Variants in CALD1 observed in about 807,000 individuals in gnomAD.
CALD1 encodes caldesmon 1.
CALD1 carries 33 observed loss-of-function variants against 99.9 expected under a neutral mutation model. That is an observed-to-expected ratio of 0.33 (90% CI 0.25 to 0.44). The LOEUF (loss-of-function observed/expected upper bound fraction) is 0.44, where lower values mean the gene tolerates loss of function less well. Among genes scored for constraint, CALD1 ranks in the 20% least tolerant of loss-of-function variants. The pLI is 1.00. For missense variants in CALD1, 861 were observed against 962.1 expected (o/e 0.89, Z 1.39); for synonymous variants, 310 against 325.0 (o/e 0.95, Z 0.50).
intron 3 of CALD1, among the ~76,000 whole-genome samples, chr7:134,914,680 C>A (rs904019072): frequency 6.6e-6 from 1 of 152,166 alleles, no homozygotes; most frequent in African/African-American, 2.4e-5. Context: ...CCATATTTCC[C>A]GATTCTGCAA....
At chr7:134,815,435 C>T (rs556716837) in intron 1 of CALD1, among the ~76,000 whole-genome samples, 9 of 152,180 alleles carry the variant, frequency 5.9e-5, no homozygotes, top group African/African-American at 1.4e-4. Context: ...AGAAGTTTCC[C>T]GTCATTGTTC....
intron 1 of CALD1, among the ~76,000 whole-genome samples, chr7:134,797,170 A>G (rs1797777443): frequency 6.6e-6 from 1 of 152,154 alleles, no homozygotes; most frequent in South Asian, 2.1e-4. Context: ...TTTTTTGTAG[A>G]GACGAGGTTT....
chr7:134,742,046 C>G (rs1288308653), upstream of CALD1, among the ~76,000 whole-genome samples: 4 of 151,754 alleles, frequency 2.6e-5, no homozygotes, highest in Admixed American at 2.6e-4. Context: ...CACACACACA[C>G]AGACACACAC....
chr7:134,791,530 T>A (rs1215142300), intron 1 of CALD1, among the ~76,000 whole-genome samples: 2 of 152,136 alleles, frequency 1.3e-5, no homozygotes, highest in African/African-American at 4.8e-5. Flanking sequence ...TAACCAACTT[T>A]ATGAAGGGAG....
chr7:134,949,790 A>G (rs1807191850), intron 8 of CALD1, among the ~76,000 whole-genome samples: 2 of 152,120 alleles, frequency 1.3e-5, no homozygotes, highest in African/African-American at 4.8e-5. Context: ...AATCATCATA[A>G]TGAGTGTTAG....
intron 2 of CALD1, among the ~76,000 whole-genome samples, chr7:134,858,141 T>C (rs1313321579): frequency 6.6e-6 from 1 of 152,080 alleles, no homozygotes; most frequent in African/African-American, 2.4e-5. Context: ...AAACTACTTT[T>C]ATGTAAAATA....
At chr7:134,927,140 T>C (rs1261278008) in intron 3 of CALD1, among the ~76,000 whole-genome samples, 2 of 152,142 alleles carry the variant, frequency 1.3e-5, no homozygotes, top group Non-Finnish European at 2.9e-5. Context: ...TCAGTACACA[T>C]TCTACCTTCA....
intron 6 of CALD1, 81 bp from the exon 7 acceptor site, chr7:134,941,011 T>G: frequency 1.8e-6 from 2 of 1,142,028 alleles, no homozygotes. Context: ...CTAACAATTT[T>G]GGGTCTTACT....
intron 4 of CALD1, among the ~76,000 whole-genome samples, chr7:134,929,202 C>T (rs1805296797): frequency 1.3e-5 from 2 of 152,128 alleles, no homozygotes; most frequent in African/African-American, 4.8e-5. Context: ...GTATGGTGTG[C>T]TATATCTTAA....
At chr7:134,827,802 C>T (rs756420611) in intron 1 of CALD1, among the ~76,000 whole-genome samples, 5 of 152,214 alleles carry the variant, frequency 3.3e-5, no homozygotes, top group Non-Finnish European at 5.9e-5. Context: ...ATTCATTCTT[C>T]TGTTTAAAGC....
chr7:134,768,572 G>A (rs999694345), intron 1 of CALD1, among the ~76,000 whole-genome samples: 1 of 152,200 alleles, frequency 6.6e-6, no homozygotes, highest in Non-Finnish European at 1.5e-5. Context: ...TGAGGACAAA[G>A]AAGCACAGTG....
At chr7:134,941,283 G>C in intron 7 of CALD1, 46 bp downstream of exon 7, 4 of 1,079,952 alleles carry the variant, frequency 3.7e-6, no homozygotes, top group Non-Finnish European at 5.1e-6. Context: ...CACATGCAAA[G>C]AAAAAAAAAA....
intron 1 of CALD1, among the ~76,000 whole-genome samples, chr7:134,838,154 A>G (rs1017436282): frequency 6.6e-6 from 1 of 152,186 alleles, no homozygotes; most frequent in Admixed American, 6.6e-5. Context: ...ATATTAATAC[A>G]TCTTGTCCCT....
At chr7:134,771,732 C>T (rs1411670494) in intron 1 of CALD1, among the ~76,000 whole-genome samples, 1 of 152,156 alleles carries the variant, frequency 6.6e-6, no homozygotes, top group African/African-American at 2.4e-5. Flanking sequence ...GCCACTGGCT[C>T]TCACTCCTCC....
intron 1 of CALD1, among the ~76,000 whole-genome samples, chr7:134,817,451 C>G (rs540847452): frequency 6.6e-6 from 1 of 152,194 alleles, no homozygotes; most frequent in Non-Finnish European, 1.5e-5. Context: ...ATACCAAAAC[C>G]CAAGAAATTG....
rs138465517 is a variant in CALD1 at position 134,934,732 on chromosome 7, T to C, written c.1308+655T>C. Among the ~76,000 whole-genome samples, 150 of 151,952 alleles carry C rather than the reference T, an allele frequency of 9.9e-4. 1 individual carries two copies. The East Asian group carries it at 0.028, about 29-fold the overall frequency. ...CCCCATCTCTACTAAAAATACAAAA[T>C]TAGCTGGGTGTACCGGCACATGTCT... On this transcript the variant is annotated intron_variant, in intron 5 of 14. Transcript: ENST00000361675.
intron 3 of CALD1, among the ~76,000 whole-genome samples, chr7:134,910,114 A>G (rs1803692656): frequency 6.6e-6 from 1 of 152,172 alleles, no homozygotes; most frequent in Non-Finnish European, 1.5e-5. Flanking sequence ...ATGAAACTGA[A>G]CTGTTCTTTT....
At chr7:134,768,148 G>T (rs184710247) in intron 1 of CALD1, among the ~76,000 whole-genome samples, 86 of 152,284 alleles carry the variant, frequency 5.6e-4, no homozygotes, top group African/African-American at 1.9e-3. Context: ...CTGAGGGGAT[G>T]GCCAGTCCTG....
chr7:134,776,637 C>T (rs532049317), upstream of CALD1, among the ~76,000 whole-genome samples: 7 of 152,168 alleles, frequency 4.6e-5, no homozygotes, highest in East Asian at 7.7e-4. Context: ...GTTTGATAAA[C>T]CTGGGTGTTG....
Sources: gnomAD v4.1 joint callset for allele counts (sites outside exome capture counted in the v4.1 genomes callset) on GRCh38, gnomAD v4.1.1 for gene constraint, MANE v1.5 for transcripts, NCBI Gene and HGNC (gene_info 2026-07-23, HGNC 2026-07-21) for gene names.